The following VWA5B1 variants were observed in gnomAD, a reference collection of about 807,000 sequenced individuals.
The protein encoded by VWA5B1 is von Willebrand factor A domain-containing protein 5B1.
VWA5B1 carries 115 observed loss-of-function variants against 118.2 expected under a neutral mutation model. The ratio of observed to expected loss-of-function variants is 0.97; its 90% CI spans 0.84 to 1.14. The LOEUF is 1.14. Among genes scored for constraint, VWA5B1 ranks in the 50% most tolerant of loss-of-function variants. The probability of loss-of-function intolerance (pLI) is 0.00; values close to 1 mark genes in which losing one functional copy is unlikely to be tolerated. For synonymous variants in VWA5B1, 682 were observed against 658.4 expected, an observed-to-expected ratio of 1.04 and a Z score of -0.55; for missense variants, 1,596 against 1,603.8, an observed-to-expected ratio of 1.00 and a Z score of 0.08.
chr1:20,296,376 T>C (rs546196507), intron 1 of VWA5B1, among the ~76,000 whole-genome samples: 1 of 152,270 alleles, frequency 6.6e-6, no homozygotes, highest in African/African-American at 2.4e-5. Context: ...ACTGACATCA[T>C]GTGAAAGTTG....
intron 1 of VWA5B1, among the ~76,000 whole-genome samples, chr1:20,296,876 A>T (rs1267210344): frequency 1.3e-5 from 2 of 152,202 alleles, no homozygotes; most frequent in Non-Finnish European, 2.9e-5. Flanking sequence ...TCTCATGATG[A>T]GTGTTTAATG....
At chr1:20,326,670 C>T (rs760336520) in intron 8 of VWA5B1, among the ~76,000 whole-genome samples, 1 of 151,992 alleles carries the variant, frequency 6.6e-6, no homozygotes, top group South Asian at 2.1e-4. Flanking sequence ...AGGCTGGTCT[C>T]GAACTCCTGA....
At chr1:20,309,977 G>A (rs888053938) in intron 1 of VWA5B1, among the ~76,000 whole-genome samples, 1 of 150,214 alleles carries the variant, frequency 6.7e-6, no homozygotes, top group Admixed American at 6.6e-5. Context: ...GGGGTGGGGG[G>A]TGGTGAGAAG....
At chr1:20,293,682 C>T (rs12044035) in intron 1 of VWA5B1, among the ~76,000 whole-genome samples, 22,018 of 152,228 alleles carry the variant, frequency 0.14, 2,112 homozygotes, top group East Asian at 0.54. Flanking sequence ...GAACTGGGAA[C>T]AGCCCAGTGG....
intron 1 of VWA5B1, among the ~76,000 whole-genome samples, chr1:20,302,072 A>T (rs542238088): frequency 6.6e-6 from 1 of 152,186 alleles, no homozygotes; most frequent in East Asian, 1.9e-4. Context: ...AGCAGGCCCA[A>T]ACAGTCTCCT....
chr1:20,317,777 T>A, intron 5 of VWA5B1, 102 bp downstream of exon 5: 1 of 1,385,664 alleles, frequency 7.2e-7, no homozygotes, highest in Non-Finnish European at 9.6e-7. Flanking sequence ...CTGGCCCAGA[T>A]GGCAGACCTA....
At chr1:20,310,775 C>G in intron 2 of VWA5B1, 35 bp downstream of exon 2, 1 of 1,501,788 alleles carries the variant, frequency 6.7e-7, no homozygotes, top group Non-Finnish European at 8.9e-7. Context: ...CCGGGACCAC[C>G]CCCTCCTCCA....
intron 20 of VWA5B1, 117 bp downstream of exon 20, chr1:20,351,043 G>T: frequency 9.9e-7 from 1 of 1,010,608 alleles, no homozygotes; most frequent in Non-Finnish European, 1.5e-6. Context: ...ATTTAGGCAG[G>T]TGTCGTAAAG....
intron 1 of VWA5B1, among the ~76,000 whole-genome samples, chr1:20,297,013 A>G (rs1282329276): frequency 2.0e-5 from 3 of 152,208 alleles, no homozygotes; most frequent in South Asian, 4.1e-4. Flanking sequence ...TCAGCATTTA[A>G]TGAGCACCTG....
intron 4 of VWA5B1, among the ~76,000 whole-genome samples, chr1:20,315,942 G>A (rs552665268): frequency 4.6e-5 from 7 of 152,262 alleles, no homozygotes; most frequent in Non-Finnish European, 1.0e-4. Flanking sequence ...TAGGACATCC[G>A]GACCTCAGTG....
At chr1:20,321,113 C>CAAAAAAAAAAAAAAAA (rs4062863) in intron 7 of VWA5B1, among the ~76,000 whole-genome samples, 2 of 94,204 alleles carry the variant, frequency 2.1e-5, no homozygotes, top group Admixed American at 1.1e-4. Flanking sequence ...GTAACAGAGG[C>CAAAAAAAAAAAAAAAA]AAAAAAAAAA....
rs1038180117 is a variant in VWA5B1 at position 20,355,348 on chromosome 1, G to A, written c.*1085G>A. ...TCCCCTAGGGGCTTCCTGCCCTCAA[G>A]CCCACTGTGTGATGCCTACATGGGG... On this transcript the variant is annotated 3_prime_UTR_variant, in exon 22 of 22. Transcript: ENST00000289815. 5.3e-5 allele frequency among the ~76,000 whole-genome samples: 8 copies of A among 152,184 alleles called. No homozygotes were observed. The highest frequency in any genetic ancestry group is 2.1e-4 in the South Asian group (1 of 4,830).
intron 14 of VWA5B1, 108 bp from the exon 15 acceptor site, chr1:20,342,324 G>A: frequency 8.3e-7 from 1 of 1,198,456 alleles, no homozygotes; most frequent in Non-Finnish European, 1.2e-6. Context: ...GGGGGTGGGG[G>A]AGCAGAAGGA....
At chr1:20,314,201 C>G in intron 3 of VWA5B1, 121 bp from the exon 4 acceptor site, 2 of 1,059,028 alleles carry the variant, frequency 1.9e-6, no homozygotes, top group Non-Finnish European at 2.8e-6. Flanking sequence ...AAGTCACACC[C>G]TCAAGCTGAG....
chr1:20,348,489 C>A, intron 18 of VWA5B1, 131 bp downstream of exon 18: 1 of 948,062 alleles, frequency 1.1e-6, no homozygotes, highest in Non-Finnish European at 1.6e-6. Flanking sequence ...TAGGCAGGCC[C>A]AAGGCAAAGC....
intron 5 of VWA5B1, among the ~76,000 whole-genome samples, chr1:20,318,073 C>T (rs1048385011): frequency 3.3e-5 from 5 of 149,698 alleles, no homozygotes; most frequent in African/African-American, 1.2e-4. Flanking sequence ...GAGTTCCAGG[C>T]ATGGAAACAT....
In VWA5B1 at chr1:20,314,294, C is replaced by T. The variant is rs373313942; in HGVS notation, c.293-28C>T. 1.3e-4 allele frequency: 196 copies of T among 1,548,032 alleles called. 1 individual carries two copies. The African/African-American group carries it at 2.2e-3, about 18-fold the overall frequency. On this transcript the variant is annotated intron_variant, in intron 3 of 21. Coordinates refer to ENST00000289815, the MANE Select transcript of VWA5B1 (RefSeq NM_001039500.3). Reference sequence around the variant, plus strand: ...GAGGGGATCAGAGATAATCTATGTACAGCCCCTGACGCCAGCCTGGCACTT... The same window carrying T: ...GAGGGGATCAGAGATAATCTATGTATAGCCCCTGACGCCAGCCTGGCACTT...
At chr1:20,350,532 G>A (rs1424410836) in intron 19 of VWA5B1, among the ~76,000 whole-genome samples, 1 of 152,164 alleles carries the variant, frequency 6.6e-6, no homozygotes, top group Non-Finnish European at 1.5e-5. Flanking sequence ...CTCTAGCAAC[G>A]TGCCAAGGAG....
Position 20,353,903 on chromosome 1 carries a change from C to T in VWA5B1, c.3288C>T (p.Thr1096=). 1 of 1,548,406 alleles carries T rather than the reference C, an allele frequency of 6.5e-7. No individual in the cohort carries two copies. Among genetic ancestry groups the T allele is most frequent in the Non-Finnish European group, 8.7e-7 (1 of 1,145,100 alleles). The change falls in exon 22 of 22, where the codon ACC becomes ACT. Residue 1096 remains threonine, a synonymous_variant. Coordinates refer to ENST00000289815, the MANE Select transcript of VWA5B1 (RefSeq NM_001039500.3). ...SLTTRPSESK[T]PSPQLCTSSP... Reference sequence around the variant, plus strand: ...CCACCCGCCCGTCTGAGTCCAAGACCCCGAGTCCCCAGCTGTGCACCAGCT... The same window carrying T: ...CCACCCGCCCGTCTGAGTCCAAGACTCCGAGTCCCCAGCTGTGCACCAGCT...
Sources: allele counts gnomAD v4.1 joint callset (sites outside exome capture counted in the v4.1 genomes callset), GRCh38; gene constraint gnomAD v4.1.1; transcripts MANE v1.5; gene names NCBI Gene and HGNC (gene_info 2026-07-23, HGNC 2026-07-21).